PRRX1: variants seen among roughly 807,000 people sequenced by gnomAD.
PRRX1 encodes the protein paired mesoderm homeobox protein 1.
A neutral mutation model predicts 24.0 loss-of-function variants in PRRX1; 8 were observed. The observed-to-expected ratio is 0.33, with a 90% CI of 0.20 to 0.60. The LOEUF (loss-of-function observed/expected upper bound fraction) is 0.60. Ranked by LOEUF, PRRX1 falls within the 20% of genes least tolerant of loss-of-function variation. PRRX1 has a pLI of 0.82. For synonymous variants in PRRX1, 160 were observed against 131.7 expected (o/e 1.22, Z -1.47); for missense variants, 281 against 322.4 (o/e 0.87, Z 0.98).
intron 1 of PRRX1, among the ~76,000 whole-genome samples, chr1:170,674,661 T>TA (rs202230288): frequency 1.4e-4 from 20 of 142,620 alleles, no homozygotes; most frequent in African/African-American, 5.1e-4. Flanking sequence ...AGTAAGCAAA[T>TA]TTTTTTTTTT....
chr1:170,679,122 T>G (rs1209714087), intron 1 of PRRX1, among the ~76,000 whole-genome samples: 1 of 152,218 alleles, frequency 6.6e-6, no homozygotes, highest in East Asian at 1.9e-4. Flanking sequence ...GTCAGTCTCA[T>G]CTCTTCAAAG....
At chr1:170,665,951 C>G (rs752204841) in intron 1 of PRRX1, among the ~76,000 whole-genome samples, 1 of 152,230 alleles carries the variant, frequency 6.6e-6, no homozygotes, top group African/African-American at 2.4e-5. Flanking sequence ...CCTCAAGTTC[C>G]GCATAAAGGG....
intron 1 of PRRX1, among the ~76,000 whole-genome samples, chr1:170,691,257 A>C (rs1050016006): frequency 6.6e-5 from 10 of 152,156 alleles, no homozygotes; most frequent in Non-Finnish European, 1.2e-4. Flanking sequence ...GTGGATTAAA[A>C]AATGTTTATT....
chr1:170,669,107 T>C (rs1302705754), intron 1 of PRRX1: 2 of 151,992 alleles, frequency 1.3e-5, no homozygotes, highest in Non-Finnish European at 2.9e-5. Context: ...GAATTTGAAG[T>C]GTGGGGAGAC....
chr1:170,730,079 T>C (rs3830154), intron 3 of PRRX1: 2 of 661,654 alleles, frequency 3.0e-6, no homozygotes, highest in Admixed American at 2.2e-5. Flanking sequence ...TTTTGCATTA[T>C]TTACCTGAAG....
At chr1:170,720,815 T>C (rs1655058095) in intron 2 of PRRX1, among the ~76,000 whole-genome samples, 2 of 152,200 alleles carry the variant, frequency 1.3e-5, no homozygotes, top group Non-Finnish European at 2.9e-5. Context: ...CTTTCTAACA[T>C]TAGTGCCATG....
At chr1:170,666,938 A>T (rs473133) in intron 1 of PRRX1, among the ~76,000 whole-genome samples, 95,631 of 151,774 alleles carry the variant, frequency 0.63, 31,061 homozygotes, top group Middle Eastern at 0.83. Flanking sequence ...GACTGGGGAC[A>T]GGCTTCTGTG....
intron 1 of PRRX1, among the ~76,000 whole-genome samples, chr1:170,707,832 T>A (rs1296913866): frequency 1.3e-5 from 2 of 152,298 alleles, no homozygotes; most frequent in East Asian, 3.9e-4. Flanking sequence ...AAGTCCTTTT[T>A]CAAAGTAATT....
At chr1:170,719,129 C>G (rs940244302) in intron 1 of PRRX1, among the ~76,000 whole-genome samples, 1 of 152,178 alleles carries the variant, frequency 6.6e-6, no homozygotes, top group Non-Finnish European at 1.5e-5. Flanking sequence ...GCCTCTGAAG[C>G]CTGCCTTTGC....
intron 1 of PRRX1, among the ~76,000 whole-genome samples, chr1:170,710,360 C>T (rs142911093): frequency 3.5e-4 from 53 of 152,330 alleles, no homozygotes; most frequent in African/African-American, 1.3e-3. Flanking sequence ...CATAGCCCAA[C>T]TTACAATTAT....
chr1:170,688,194 A>C (rs17550940), intron 1 of PRRX1, among the ~76,000 whole-genome samples: 37,901 of 151,930 alleles, frequency 0.25, 5,762 homozygotes, highest in Middle Eastern at 0.37. Flanking sequence ...CTCATTGTTG[A>C]CTTTGGACCC....
In PRRX1 at chr1:170,665,198, G is replaced by A. The variant is rs550871157; in HGVS notation, c.241+739G>A. On this transcript the variant is annotated intron_variant, in intron 1 of 3. Coordinates refer to ENST00000239461, the MANE Select transcript of PRRX1 (RefSeq NM_022716.4). ...CAGCCCCGCATGATCCCGCACAGGC[G>A]AGCTGCATCCGGGAGGCGCGAGCTT... Among the ~76,000 whole-genome samples the A allele has an allele frequency of 2.6e-5, 4 of 152,344 alleles. No homozygotes were observed. In the East Asian group the frequency reaches 5.8e-4, roughly 22 times the overall value.
At chr1:170,676,249 T>A (rs1653315271) in intron 1 of PRRX1, among the ~76,000 whole-genome samples, 1 of 152,196 alleles carries the variant, frequency 6.6e-6, no homozygotes, top group Admixed American at 6.5e-5. Flanking sequence ...TTCTTAGCTT[T>A]CCTCAGGGAA....
intron 1 of PRRX1, chr1:170,668,304 A>C (rs2101882597): frequency 6.6e-6 from 1 of 152,288 alleles, no homozygotes; most frequent in South Asian, 2.1e-4. Flanking sequence ...TCTTAATCTG[A>C]ACTTCTGCAA....
chr1:170,720,430 A>G (rs1655044862), intron 2 of PRRX1, among the ~76,000 whole-genome samples: 1 of 152,198 alleles, frequency 6.6e-6, no homozygotes, highest in African/African-American at 2.4e-5. Context: ...TTTTAAATAA[A>G]ATTGAATGCC....
chr1:170,679,758 T>C (rs1558045874), intron 1 of PRRX1, among the ~76,000 whole-genome samples: 1 of 151,132 alleles, frequency 6.6e-6, no homozygotes, highest in South Asian at 2.1e-4. Context: ...GCACTTATTC[T>C]AGAAGAAAAA....
chr1:170,664,088 C>T (rs17838244), upstream of PRRX1: 201 of 665,278 alleles, frequency 3.0e-4, no homozygotes, highest in Non-Finnish European at 3.6e-4. Flanking sequence ...CCTCTTCCTC[C>T]CTCTCTCTCT....
chr1:170,720,408 C>A (rs751912776), intron 2 of PRRX1, among the ~76,000 whole-genome samples: 2 of 152,172 alleles, frequency 1.3e-5, no homozygotes, highest in African/African-American at 4.8e-5. Context: ...TTTCTTTGGG[C>A]AGCAAGTATT....
intron 1 of PRRX1, among the ~76,000 whole-genome samples, chr1:170,690,784 A>G (rs1429191688): frequency 2.6e-5 from 4 of 152,116 alleles, no homozygotes; most frequent in African/African-American, 4.8e-5. Context: ...TGACTCTGGG[A>G]AAGGTATCAG....
Sources: gnomAD v4.1 joint callset for allele counts (sites outside exome capture counted in the v4.1 genomes callset) on GRCh38, gnomAD v4.1.1 for gene constraint, MANE v1.5 for transcripts, NCBI Gene and HGNC (gene_info 2026-07-23, HGNC 2026-07-21) for gene names.